XKR9: variants seen among roughly 807,000 people sequenced by gnomAD.
XKR9 encodes the protein XK-related protein 9.
A neutral mutation model predicts 32.0 loss-of-function variants in XKR9; 32 were observed. The ratio of observed to expected loss-of-function variants is 1.00; its 90% CI spans 0.76 to 1.34. The LOEUF (loss-of-function observed/expected upper bound fraction) is 1.34. Among genes scored for constraint, XKR9 ranks in the 40% most tolerant of loss-of-function variants. The probability of loss-of-function intolerance (pLI) is 0.00; values close to 1 mark genes in which losing one functional copy is unlikely to be tolerated. For missense variants in XKR9, 546 were observed against 429.7 expected (o/e 1.27, Z -2.39); for synonymous variants, 168 against 143.4 (o/e 1.17, Z -1.22).
the XKR9 span, among the ~76,000 whole-genome samples, chr8:71,065,158 G>T: frequency 6.6e-6 from 1 of 152,128 alleles, no homozygotes; most frequent in Admixed American, 6.5e-5. Context: ...AACATAGGGG[G>T]TGTGATGTGG....
chr8:70,781,832 T>A (rs1807621204), intron 2 of XKR9, among the ~76,000 whole-genome samples: 1 of 152,072 alleles, frequency 6.6e-6, no homozygotes, highest in Non-Finnish European at 1.5e-5. Flanking sequence ...TCTGAAAAAA[T>A]AAAAGAAAGA....
the XKR9 span, among the ~76,000 whole-genome samples, chr8:71,039,426 C>T: frequency 6.6e-6 from 1 of 152,130 alleles, no homozygotes; most frequent in African/African-American, 2.4e-5. Flanking sequence ...TGTTGCATAT[C>T]TCATGTAATT....
At chr8:70,853,341 A>T in the XKR9 span, among the ~76,000 whole-genome samples, 1 of 152,000 alleles carries the variant, frequency 6.6e-6, no homozygotes, top group East Asian at 1.9e-4. Context: ...GCTTGAGGGG[A>T]TGGTTATCAA....
chr8:70,754,592 C>T (rs1807190551), intron 2 of XKR9, among the ~76,000 whole-genome samples: 1 of 150,898 alleles, frequency 6.6e-6, no homozygotes, highest in Non-Finnish European at 1.5e-5. Flanking sequence ...AGAACAGAGC[C>T]CTCAGAAATA....
chr8:70,821,648 G>A, the XKR9 span, among the ~76,000 whole-genome samples: 12 of 152,178 alleles, frequency 7.9e-5, no homozygotes, highest in East Asian at 3.8e-4. Flanking sequence ...TGACTTTTGC[G>A]TGCCTTCACG....
Position 70,734,126 on chromosome 8 carries a change from T to C in XKR9, c.824T>C (p.Phe275Ser), listed in dbSNP as rs74941166. The C allele has an allele frequency of 6.2e-7, 1 of 1,612,326 alleles. No homozygotes were observed. Among genetic ancestry groups the C allele is most frequent in the African/African-American group, 1.3e-5 (1 of 74,862 alleles). Residue 275 changes from phenylalanine (F) to serine (S), a missense_variant, in exon 5 of 5, where the codon TTT (phenylalanine) becomes TCT (serine). Coordinates refer to ENST00000408926, the MANE Select transcript of XKR9 (RefSeq NM_001011720.2). Reference protein sequence around the residue: ...IVVGFILIFTFFNIKGQNTKC... With the variant: ...IVVGFILIFTSFNIKGQNTKC... ...GTTGGATTCATTCTTATCTTTACAT[T>C]TTTTAATATTAAGGGACAGAATACC...
chr8:70,982,415 A>T, the XKR9 span, among the ~76,000 whole-genome samples: 1 of 152,074 alleles, frequency 6.6e-6, no homozygotes, highest in Non-Finnish European at 1.5e-5. Context: ...TTATATTCCT[A>T]GGAGAATTAT....
the XKR9 span, among the ~76,000 whole-genome samples, chr8:70,983,058 G>A: frequency 6.6e-6 from 1 of 152,280 alleles, no homozygotes; most frequent in East Asian, 1.9e-4. Flanking sequence ...TCTCAAATAT[G>A]AAGTGGTGGC....
rs142142116 is a variant in XKR9, at chr8:70,714,428, A to G, written c.493+7275A>G. Among the ~76,000 whole-genome samples the G allele has an allele frequency of 9.7e-3, 1,475 of 151,636 alleles. 23 individuals carry two copies. The highest frequency in any genetic ancestry group is 0.034 in the African/African-American group (1,405 of 41,504). Reference sequence around the variant, plus strand: ...TTATTATTTTAATACTCTTTTCTCTAAATTTGTGGCTTTGTACTCTCTGAT... The same window carrying G: ...TTATTATTTTAATACTCTTTTCTCTGAATTTGTGGCTTTGTACTCTCTGAT... On this transcript the variant is annotated intron_variant, in intron 4 of 4. Transcript: ENST00000408926.
chr8:70,869,632 C>T, the XKR9 span, among the ~76,000 whole-genome samples: 9 of 152,320 alleles, frequency 5.9e-5, no homozygotes, highest in Admixed American at 3.3e-4. Context: ...CACTGTATCT[C>T]ACTGTCTCAG....
intron 2 of XKR9, among the ~76,000 whole-genome samples, chr8:70,774,860 T>TA (rs1807498363): frequency 6.6e-6 from 1 of 152,192 alleles, no homozygotes; most frequent in Non-Finnish European, 1.5e-5. Context: ...TTTTTACTGT[T>TA]ATATGTCTCT....
intron 1 of XKR9, among the ~76,000 whole-genome samples, 191 bp downstream of exon 1, chr8:70,669,729 C>T (rs1465486483): frequency 5.5e-5 from 8 of 146,672 alleles, no homozygotes; most frequent in African/African-American, 7.6e-5. Context: ...TGCAGTGGCG[C>T]GATCTCGGCT....
chr8:70,702,903 T>A (rs1586834143), intron 3 of XKR9, among the ~76,000 whole-genome samples: 1 of 152,322 alleles, frequency 6.6e-6, no homozygotes, highest in Middle Eastern at 3.4e-3. Context: ...TTTAGTGTAA[T>A]TATTGATATG....
the XKR9 span, among the ~76,000 whole-genome samples, chr8:70,820,651 C>A: frequency 6.6e-6 from 1 of 152,100 alleles, no homozygotes; most frequent in Non-Finnish European, 1.5e-5. Flanking sequence ...CCTTAGGAAA[C>A]TTAAAATCAT....
At chr8:71,007,606 AAAACT>A in the XKR9 span, among the ~76,000 whole-genome samples, 1 of 152,190 alleles carries the variant, frequency 6.6e-6, no homozygotes, top group African/African-American at 2.4e-5. Flanking sequence ...CAAAGGTGAA[AAAACT>A]AAACTAGAGA....
chr8:71,052,147 A>T, the XKR9 span, among the ~76,000 whole-genome samples: 16 of 152,242 alleles, frequency 1.1e-4, no homozygotes, highest in Non-Finnish European at 2.1e-4. Flanking sequence ...CTTGCGGGCT[A>T]CTGCCTTTCT....
chr8:70,983,782 A>C, the XKR9 span, among the ~76,000 whole-genome samples: 2 of 150,106 alleles, frequency 1.3e-5, no homozygotes. Flanking sequence ...ACTTCATCTC[A>C]AAATAAATAA....
At chr8:71,031,990 T>A in the XKR9 span, among the ~76,000 whole-genome samples, 3 of 152,200 alleles carry the variant, frequency 2.0e-5, no homozygotes, top group African/African-American at 7.2e-5. Context: ...ACATGTATCC[T>A]GCCTCATTTG....
intron 3 of XKR9, among the ~76,000 whole-genome samples, chr8:70,696,108 A>G (rs2132145305): frequency 6.6e-6 from 1 of 151,768 alleles, no homozygotes; most frequent in South Asian, 2.1e-4. Flanking sequence ...GTAGGTTGCA[A>G]AAATTTTCTC....
Sources: gnomAD v4.1 joint callset for allele counts (sites outside exome capture counted in the v4.1 genomes callset) on GRCh38, gnomAD v4.1.1 for gene constraint, MANE v1.5 for transcripts, NCBI Gene and HGNC (gene_info 2026-07-23, HGNC 2026-07-21) for gene names.